Variants in MALT1 observed in about 807,000 individuals in gnomAD.
The protein encoded by MALT1 is mucosa-associated lymphoid tissue lymphoma translocation protein 1.
MALT1 carries 36 observed loss-of-function variants against 85.5 expected under a neutral mutation model. The observed-to-expected ratio is 0.42, with a 90% confidence interval of 0.32 to 0.56. The LOEUF (loss-of-function observed/expected upper bound fraction) is 0.56, where lower values mean the gene tolerates loss of function less well. MALT1 is among the 20% of genes least tolerant of loss of function. The pLI is 0.10. For missense variants in MALT1, 716 were observed against 981.6 expected (o/e 0.73, Z 3.62); for synonymous variants, 359 against 361.3 (o/e 0.99, Z 0.07).
intron 4 of MALT1, among the ~76,000 whole-genome samples, chr18:58,706,588 C>G: frequency 6.6e-6 from 1 of 152,200 alleles, no homozygotes; most frequent in Non-Finnish European, 1.5e-5. Flanking sequence ...AAGAATTCCT[C>G]TTAATACTTC....
Position 58,733,527 on chromosome 18 carries a change from A to T in MALT1, c.1353A>T (p.Glu451Asp). The T allele has an allele frequency of 6.2e-7, 1 of 1,612,164 alleles. No homozygotes were observed. The highest frequency in any genetic ancestry group is 8.5e-7 in the Non-Finnish European group (1 of 1,178,772). ...AAAATATACTGAAATTGATGCAAGA[A>T]AAAGAAACTGGACTTAATGTGTTCT... ...CVQNILKLMQEKETGLNVFLL... is the reference protein window; with the variant it reads ...CVQNILKLMQDKETGLNVFLL... Residue 451 changes from glutamate (E) to aspartate (D), a missense_variant, in exon 11 of 17, where the codon GAA becomes GAT. This residue lies in a region of MALT1 where 86 missense variants were observed against 212.3 expected (regional missense o/e 0.41). Transcript: ENST00000649217.
intron 10 of MALT1, among the ~76,000 whole-genome samples, chr18:58,725,017 C>A (rs1034679815): frequency 6.6e-6 from 1 of 151,758 alleles, no homozygotes; most frequent in Non-Finnish European, 1.5e-5. Context: ...GTAATCCCAG[C>A]TACTCAAGAG....
At chr18:58,705,684 A>G (rs1602306183) in intron 4 of MALT1, among the ~76,000 whole-genome samples, 1 of 151,130 alleles carries the variant, frequency 6.6e-6, no homozygotes, top group Admixed American at 6.6e-5. Context: ...ATAGTATTCC[A>G]TGGTGTATAT....
intron 14 of MALT1, 26 bp from the exon 15 acceptor site, chr18:58,744,312 A>T: frequency 6.4e-7 from 1 of 1,560,098 alleles, no homozygotes; most frequent in Non-Finnish European, 8.7e-7. Context: ...AAACCTACCA[A>T]AGTTGTTCTT....
At chr18:58,676,636 T>TA (rs1222328418) in intron 1 of MALT1, among the ~76,000 whole-genome samples, 5 of 152,354 alleles carry the variant, frequency 3.3e-5, no homozygotes, top group African/African-American at 7.2e-5. Context: ...TGCTCAGTGT[T>TA]ACCTGTCTAC....
chr18:58,695,789 C>T (rs186439949), intron 2 of MALT1, among the ~76,000 whole-genome samples: 30 of 152,328 alleles, frequency 2.0e-4, no homozygotes, highest in African/African-American at 6.7e-4. Flanking sequence ...TTAATTCATT[C>T]GTGAGGGTAG....
At position 58,749,934 on chromosome 18, in the gene MALT1, A is replaced by G. The variant is rs547668452; in HGVS notation, c.*2092A>G. 2.5e-4 allele frequency: 53 copies of G among 210,116 alleles called. No individual in the cohort carries two copies. Among genetic ancestry groups the G allele is most frequent in the Admixed American group, 2.1e-3 (35 of 16,976 alleles). 13.0% of individuals were successfully genotyped at this position (210,116 alleles called of 1,614,324 possible). A position where few individuals can be genotyped will look rare whatever the true frequency, so the allele number is the denominator to read the frequency against. On this transcript the variant is annotated 3_prime_UTR_variant, in exon 17 of 17. Coordinates refer to ENST00000649217, the MANE Select transcript of MALT1 (RefSeq NM_006785.4). ...AGGATGTTCACTCGGCACTACTTCT[A>G]TTCAGCATTGTACTTGAAGTTCTAG...
chr18:58,734,400 T>A lies in MALT1; in HGVS notation c.1475+19T>A. 6.3e-7 allele frequency: 1 copy of A among 1,595,802 alleles called. No homozygotes were observed. The highest frequency in any genetic ancestry group is 8.6e-7 in the Non-Finnish European group (1 of 1,163,336). On this transcript the variant is annotated intron_variant, in intron 12 of 16. Transcript: ENST00000649217. ...ATGCCACGTAAGAACATTTGATGTTTACGTTGAAGTTTCCTTTATTGTTTG... is the reference window on the plus strand; with the variant it reads ...ATGCCACGTAAGAACATTTGATGTTAACGTTGAAGTTTCCTTTATTGTTTG...
At chr18:58,690,785 T>C in intron 2 of MALT1, 1 of 212,076 alleles carries the variant, frequency 4.7e-6, no homozygotes. Flanking sequence ...CGAGGCCAAG[T>C]TAATAAAATG....
intron 13 of MALT1, among the ~76,000 whole-genome samples, chr18:58,738,740 ATATG>A (rs2055259269): frequency 6.6e-6 from 1 of 152,058 alleles, no homozygotes; most frequent in African/African-American, 2.4e-5. Flanking sequence ...TTTAATAGCT[ATATG>A]TATATCTTAT....
intron 2 of MALT1, among the ~76,000 whole-genome samples, chr18:58,692,451 T>TCTCTCTCC (rs2054524779): frequency 8.9e-6 from 1 of 111,926 alleles, no homozygotes; most frequent in Non-Finnish European, 1.9e-5. Flanking sequence ...TCTCCCTCCC[T>TCTCTCTCC]CCCTCCCTCC....
Position 58,671,475 on chromosome 18 carries a change from A to C in MALT1, c.-169A>C. ...CAGGCTCCCCTCGGCAAACCTGTCT[A>C]ATTGGGGCGGGGAGCGGAGCTTCCT... On this transcript the variant is annotated 5_prime_UTR_variant, in exon 1 of 17. Transcript: ENST00000649217. 2.0e-5 allele frequency: 8 copies of C among 398,878 alleles called. No individual in the cohort carries two copies. The highest frequency in any genetic ancestry group is 2.1e-5 in the Non-Finnish European group (5 of 239,482). 24.7% of individuals were successfully genotyped at this position (398,878 alleles called of 1,614,324 possible). A position where few individuals can be genotyped will look rare whatever the true frequency, so the allele number is the denominator to read the frequency against.
intron 4 of MALT1, among the ~76,000 whole-genome samples, chr18:58,704,442 T>C (rs2054716694): frequency 6.6e-6 from 1 of 152,190 alleles, no homozygotes; most frequent in Non-Finnish European, 1.5e-5. Flanking sequence ...GATACTAATA[T>C]AGCCATGGAA....
chr18:58,718,647 C>T (rs754351538), intron 9 of MALT1, among the ~76,000 whole-genome samples: 3 of 152,104 alleles, frequency 2.0e-5, no homozygotes, highest in Non-Finnish European at 2.9e-5. Flanking sequence ...GGTTGGGGAC[C>T]GCTGCTTAAT....
chr18:58,678,997 T>A (rs1440809160), intron 1 of MALT1, among the ~76,000 whole-genome samples: 1 of 152,220 alleles, frequency 6.6e-6, no homozygotes, highest in Non-Finnish European at 1.5e-5. Flanking sequence ...ATCTAAACAC[T>A]TTGGTTGGCT....
chr18:58,708,321 T>C (rs972152303), intron 4 of MALT1, among the ~76,000 whole-genome samples: 1 of 152,184 alleles, frequency 6.6e-6, no homozygotes, highest in African/African-American at 2.4e-5. Flanking sequence ...GAGGATCTAA[T>C]TGGTCATGCC....
At chr18:58,672,693 A>G (rs1021249090) in intron 1 of MALT1, 1 of 152,196 alleles carries the variant, frequency 6.6e-6, no homozygotes, top group African/African-American at 2.4e-5. Flanking sequence ...GGAAAAACAA[A>G]TTTTCCAAAA....
At chr18:58,704,447 A>G (rs1280416545) in intron 4 of MALT1, among the ~76,000 whole-genome samples, 1 of 152,070 alleles carries the variant, frequency 6.6e-6, no homozygotes. Flanking sequence ...TAATATAGCC[A>G]TGGAAGCTTT....
chr18:58,743,619 AAAAAAAATTAAGACCCTCCTCAGT>A (rs2055330308), intron 14 of MALT1, among the ~76,000 whole-genome samples: 1 of 152,136 alleles, frequency 6.6e-6, no homozygotes, highest in Admixed American at 6.5e-5. Context: ...CAAATAAGAG[AAAAAAAATTAAGACCCTCCTCAGT>A]AAACAAGCAA....
Sources: gnomAD v4.1 joint callset for allele counts (sites outside exome capture counted in the v4.1 genomes callset) on GRCh38, gnomAD v4.1.1 for gene constraint, gnomAD v4.1.1 regional missense constraint, MANE v1.5 for transcripts, NCBI Gene and HGNC (gene_info 2026-07-23, HGNC 2026-07-21) for gene names.